PTPRQ: variants seen among roughly 807,000 people sequenced by gnomAD.
The protein encoded by PTPRQ is protein tyrosine phosphatase receptor type Q.
In PTPRQ, 199 loss-of-function variants were observed where a neutral mutation model predicts 246.0. The ratio of observed to expected loss-of-function variants is 0.81; its 90% confidence interval spans 0.72 to 0.91. The LOEUF (loss-of-function observed/expected upper bound fraction) is 0.91, where lower values mean the gene tolerates loss of function less well. Ranked by LOEUF, PTPRQ falls within the 40% of genes least tolerant of loss-of-function variation. PTPRQ has a pLI of 0.00. For missense variants in PTPRQ, 2,624 were observed against 2,528.4 expected (o/e 1.04, Z -0.81); for synonymous variants, 869 against 853.2 (o/e 1.02, Z -0.32).
Position 80,649,603 on chromosome 12 carries a change from ATCCT to A in PTPRQ, c.5963_5966del (p.Phe1988CysfsTer13). On this transcript the variant is annotated frameshift_variant, in exon 37 of 45. Coordinates refer to ENST00000644991, the MANE Select transcript of PTPRQ (RefSeq NM_001145026.2). LOFTEE classifies it high-confidence loss of function. ...TTACTTGGAGGCCAATAAGCAAGAA[ATCCT>A]TCCTGCAACATGTTGAAGAGCTTTG... is the stretch of plus-strand genomic sequence containing the variant. 6.5e-7 allele frequency: 1 copy of A among 1,549,732 alleles called. No homozygotes were observed. The highest frequency in any genetic ancestry group is 8.7e-7 in the Non-Finnish European group (1 of 1,145,774).
chr12:80,551,461 C>T (rs1264244291), intron 25 of PTPRQ, among the ~76,000 whole-genome samples: 2 of 152,248 alleles, frequency 1.3e-5, no homozygotes, highest in East Asian at 3.9e-4. Context: ...CTACTTTAGC[C>T]TACCCATAAG....
At chr12:80,664,694 C>T (rs1284123151) in intron 39 of PTPRQ, among the ~76,000 whole-genome samples, 1 of 151,956 alleles carries the variant, frequency 6.6e-6, no homozygotes, top group East Asian at 1.9e-4. Flanking sequence ...TCAGCACCCT[C>T]AAATAAGACT....
chr12:80,549,072 G>A (rs1896391280), intron 24 of PTPRQ, among the ~76,000 whole-genome samples: 1 of 152,132 alleles, frequency 6.6e-6, no homozygotes, highest in Non-Finnish European at 1.5e-5. Context: ...GGAGGCACCT[G>A]CATCTATGTT....
chr12:80,495,191 G>A lies in PTPRQ; in HGVS notation c.1703-1G>A. On this transcript the variant is annotated splice_acceptor_variant, in intron 11 of 44. Coordinates refer to ENST00000644991, the MANE Select transcript of PTPRQ (RefSeq NM_001145026.2). LOFTEE classifies it high-confidence loss of function. ...TTCATATGTTCATTCTTCTTTTTAAGTGCCAAGCTCCATTAAAATTATAAA... is the reference window on the plus strand; with the variant it reads ...TTCATATGTTCATTCTTCTTTTTAAATGCCAAGCTCCATTAAAATTATAAA... 2 of 1,543,458 alleles carry A rather than the reference G, an allele frequency of 1.3e-6. No individual in the cohort carries two copies. Among genetic ancestry groups the A allele is most frequent in the Non-Finnish European group, 1.7e-6 (2 of 1,144,684 alleles).
At chr12:80,603,798 A>G (rs1318275586) in intron 26 of PTPRQ, among the ~76,000 whole-genome samples, 1 of 151,428 alleles carries the variant, frequency 6.6e-6, no homozygotes, top group Non-Finnish European at 1.5e-5. Context: ...TTCACTGTGC[A>G]TCTTTACCTT....
intron 25 of PTPRQ, among the ~76,000 whole-genome samples, chr12:80,555,415 T>C (rs989801989): frequency 6.6e-6 from 1 of 152,156 alleles, no homozygotes; most frequent in African/African-American, 2.4e-5. Context: ...AAAATTCTTA[T>C]ATACCATTTA....
At chr12:80,481,917 G>C (rs1346612981) in intron 8 of PTPRQ, among the ~76,000 whole-genome samples, 1 of 148,406 alleles carries the variant, frequency 6.7e-6, no homozygotes, top group Admixed American at 6.8e-5. Context: ...TCATGGGTAG[G>C]AAGAATCAAT....
In PTPRQ at chr12:80,468,744, C is replaced by T; in HGVS notation, c.945C>T (p.Gly315=). The change falls in exon 7 of 45, where the codon GGC becomes GGT. Residue 315 remains glycine, a synonymous_variant. Transcript: ENST00000644991. The part of the protein sequence containing the change: ...PEGPPQNCVT[G]NITGKSFSIL... ...GACCACCACAAAACTGCGTAACAGG[C>T]AACATCACAGGAAAGTCCTTTTCAA... 1 of 1,549,070 alleles carries T rather than the reference C, an allele frequency of 6.5e-7. No individual in the cohort carries two copies. Among genetic ancestry groups the T allele is most frequent in the South Asian group, 1.2e-5 (1 of 83,346 alleles).
chr12:80,591,176 G>T (rs1897790936), intron 26 of PTPRQ, among the ~76,000 whole-genome samples: 1 of 145,532 alleles, frequency 6.9e-6, no homozygotes, highest in Non-Finnish European at 1.5e-5. Flanking sequence ...CCCAGGCTGG[G>T]GTGCTGGGGC....
intron 7 of PTPRQ, among the ~76,000 whole-genome samples, chr12:80,470,799 A>G (rs1483606708): frequency 2.0e-5 from 3 of 152,218 alleles, no homozygotes; most frequent in African/African-American, 7.2e-5. Flanking sequence ...TTAAAGAATT[A>G]TCAGTTCAGA....
At chr12:80,488,824 A>G (rs1033723865) in intron 9 of PTPRQ, among the ~76,000 whole-genome samples, 3 of 152,066 alleles carry the variant, frequency 2.0e-5, no homozygotes, top group African/African-American at 4.8e-5. Context: ...GATTATTTAA[A>G]CAAGCTGAAA....
At chr12:80,571,669 A>G (rs1897149604) in intron 25 of PTPRQ, among the ~76,000 whole-genome samples, 1 of 152,140 alleles carries the variant, frequency 6.6e-6, no homozygotes, top group Non-Finnish European at 1.5e-5. Context: ...ATACATTTAT[A>G]TTTTTGATTC....
chr12:80,525,617 A>G (rs1837594865), intron 17 of PTPRQ, among the ~76,000 whole-genome samples: 1 of 151,682 alleles, frequency 6.6e-6, no homozygotes, highest in Non-Finnish European at 1.5e-5. Flanking sequence ...AAATTTTAAA[A>G]TTCTGTGTAA....
In PTPRQ at chr12:80,542,592, A is replaced by G. The variant is rs140244289; in HGVS notation, c.3722-138A>G. 113 of 1,164,794 alleles carry G rather than the reference A, an allele frequency of 9.7e-5. No homozygotes were observed. The East Asian group carries it at 2.9e-3, about 30-fold the overall frequency. The allele number at this position is 1,164,794 out of a possible 1,614,324, so 72.2% of individuals were successfully genotyped here. A position where few individuals can be genotyped will look rare whatever the true frequency, so the allele number is the denominator to read the frequency against. The stretch of plus-strand genomic sequence containing the variant: ...GTCCAAATACAAATTATAATTAATT[A>G]TGATATTTGTTTCTGAAATTTAAAT... On this transcript the variant is annotated intron_variant, in intron 22 of 44. Transcript: ENST00000644991.
chr12:80,498,649 T>C (rs529957493), intron 14 of PTPRQ, among the ~76,000 whole-genome samples: 1 of 152,214 alleles, frequency 6.6e-6, no homozygotes, highest in East Asian at 1.9e-4. Flanking sequence ...TTATAAACTA[T>C]ATCTAAGATC....
At chr12:80,476,611 T>C (rs1475959819) in intron 8 of PTPRQ, among the ~76,000 whole-genome samples, 1 of 152,236 alleles carries the variant, frequency 6.6e-6, no homozygotes, top group Non-Finnish European at 1.5e-5. Context: ...TTGCTCATTA[T>C]AAATAACATA....
chr12:80,445,451 A>G, intron 2 of PTPRQ, 40 bp from the exon 3 acceptor site: 1 of 1,254,064 alleles, frequency 8.0e-7, no homozygotes. Flanking sequence ...AAATGCAATA[A>G]TTATTTGACC....
At chr12:80,587,013 C>G (rs926816263) in intron 25 of PTPRQ, among the ~76,000 whole-genome samples, 7 of 151,990 alleles carry the variant, frequency 4.6e-5, no homozygotes, top group Admixed American at 2.0e-4. Context: ...GAGCCAGTAC[C>G]CTGTGGATAC....
chr12:80,664,085 A>G lies in PTPRQ; in HGVS notation c.6193-4922A>G, dbSNP rs376216293. ...CAAACTTTGCTAAATAAAACCCTCC[A>G]TGGATTCTTCTCTGTGTTACTAGAA... On this transcript the variant is annotated intron_variant, in intron 39 of 44. Transcript: ENST00000644991. Among the ~76,000 whole-genome samples the G allele has an allele frequency of 1.1e-4, 16 of 152,030 alleles. No individual in the cohort carries two copies. In the East Asian group the frequency reaches 1.2e-3, roughly 11 times the overall value.
Sources: allele counts gnomAD v4.1 joint callset (sites outside exome capture counted in the v4.1 genomes callset), GRCh38; gene constraint gnomAD v4.1.1; transcripts MANE v1.5; gene names NCBI Gene and HGNC (gene_info 2026-07-23, HGNC 2026-07-21).